Variants in GALNT13 observed in about 807,000 individuals in gnomAD.
GALNT13 encodes polypeptide N-acetylgalactosaminyltransferase 13, also known as UDP-GalNAc:polypeptide N-acetylgalactosaminyltransferase 13.
GALNT13 carries 28 observed loss-of-function variants against 64.2 expected under a neutral mutation model. That is an observed-to-expected ratio of 0.44 (90% CI 0.32 to 0.60). GALNT13 has a LOEUF of 0.60. Among genes scored for constraint, GALNT13 ranks in the 20% least tolerant of loss-of-function variants. GALNT13 has a pLI of 0.05. For missense variants in GALNT13, 577 were observed against 669.8 expected (o/e 0.86, Z 1.53); for synonymous variants, 214 against 224.6 (o/e 0.95, Z 0.42).
chr2:153,602,313 G>T, the GALNT13 span, among the ~76,000 whole-genome samples: 1 of 151,618 alleles, frequency 6.6e-6, no homozygotes, highest in Non-Finnish European at 1.5e-5. Flanking sequence ...CTGCTTTCAC[G>T]GTGTCTGTGA....
the GALNT13 span, among the ~76,000 whole-genome samples, chr2:153,455,505 C>T: frequency 2.6e-5 from 4 of 152,174 alleles, no homozygotes; most frequent in African/African-American, 9.6e-5. Context: ...GAACTCCACT[C>T]ACTCGGACCC....
intron 2 of GALNT13, among the ~76,000 whole-genome samples, chr2:153,937,581 A>G (rs138866607): frequency 1.1e-3 from 161 of 152,326 alleles, no homozygotes; most frequent in African/African-American, 3.7e-3. Context: ...ATGTGTGACT[A>G]TATTGCATTG....
At chr2:153,247,700 G>A in the GALNT13 span, among the ~76,000 whole-genome samples, 6 of 42,720 alleles carry the variant, frequency 1.4e-4, no homozygotes, top group Non-Finnish European at 3.6e-4. Context: ...CAGAATACAA[G>A]AAGTAACTAA....
the GALNT13 span, among the ~76,000 whole-genome samples, chr2:153,153,219 T>C: frequency 2.0e-5 from 3 of 152,082 alleles, no homozygotes; most frequent in East Asian, 1.9e-4. Flanking sequence ...AAAGTGTTCA[T>C]GTCCTTTGCC....
At chr2:153,299,840 A>G in the GALNT13 span, among the ~76,000 whole-genome samples, 2 of 152,160 alleles carry the variant, frequency 1.3e-5, no homozygotes, top group African/African-American at 4.8e-5. Context: ...TCATTTTTCC[A>G]TATTTGTAGC....
At chr2:154,262,431 C>T (rs1690750364) in intron 8 of GALNT13, among the ~76,000 whole-genome samples, 1 of 152,194 alleles carries the variant, frequency 6.6e-6, no homozygotes, top group Non-Finnish European at 1.5e-5. Flanking sequence ...AGGCTATAGC[C>T]TCTAATGGAA....
chr2:154,411,409 C>T (rs1699789685), intron 11 of GALNT13, among the ~76,000 whole-genome samples: 1 of 150,686 alleles, frequency 6.6e-6, no homozygotes, highest in Non-Finnish European at 1.5e-5. Context: ...GGAAACAATT[C>T]AGTATTTACC....
chr2:153,400,500 G>C, the GALNT13 span, among the ~76,000 whole-genome samples: 3 of 152,140 alleles, frequency 2.0e-5, no homozygotes, highest in South Asian at 6.2e-4. Flanking sequence ...AGAAGGAATG[G>C]TACTAGTTCC....
the GALNT13 span, among the ~76,000 whole-genome samples, chr2:153,578,479 CTGTGTT>C: frequency 2.0e-5 from 3 of 152,106 alleles, no homozygotes; most frequent in Non-Finnish European, 4.4e-5. Context: ...TCACACTTTT[CTGTGTT>C]GAAAATTCAC....
At chr2:153,542,418 G>T in the GALNT13 span, among the ~76,000 whole-genome samples, 2 of 151,992 alleles carry the variant, frequency 1.3e-5, no homozygotes, top group Admixed American at 6.6e-5. Flanking sequence ...TAGGAGAAAA[G>T]AGATTTAAGT....
the GALNT13 span, among the ~76,000 whole-genome samples, chr2:153,436,791 G>A: frequency 4.6e-5 from 7 of 152,214 alleles, no homozygotes; most frequent in East Asian, 1.2e-3. Flanking sequence ...TGGATTCACT[G>A]ATTTTTTGAA....
intron 3 of GALNT13, among the ~76,000 whole-genome samples, chr2:153,968,363 C>T (rs1387521477): frequency 6.6e-6 from 1 of 152,186 alleles, no homozygotes; most frequent in Non-Finnish European, 1.5e-5. Context: ...ACAGAATGGC[C>T]CTGGCTTCAA....
At chr2:153,100,918 A>G in the GALNT13 span, among the ~76,000 whole-genome samples, 1 of 152,080 alleles carries the variant, frequency 6.6e-6, no homozygotes. Context: ...AATCCCGCCT[A>G]CTTGGGAGGC....
At chr2:154,430,262 C>T (rs1369113229) in intron 11 of GALNT13, among the ~76,000 whole-genome samples, 2 of 152,074 alleles carry the variant, frequency 1.3e-5, no homozygotes, top group East Asian at 3.8e-4. Context: ...TTCTAGATAC[C>T]GTAAATAACA....
the GALNT13 span, among the ~76,000 whole-genome samples, chr2:153,171,307 A>G: frequency 6.6e-6 from 1 of 152,244 alleles, no homozygotes; most frequent in Non-Finnish European, 1.5e-5. Flanking sequence ...TGAGTGCATG[A>G]ATTGAGTAAA....
At chr2:153,113,903 G>A in the GALNT13 span, among the ~76,000 whole-genome samples, 1 of 152,154 alleles carries the variant, frequency 6.6e-6, no homozygotes, top group East Asian at 1.9e-4. Flanking sequence ...AATCCTGTGT[G>A]CTTTTCATTA....
chr2:154,175,891 G>A (rs999390026), intron 4 of GALNT13, among the ~76,000 whole-genome samples: 3 of 152,136 alleles, frequency 2.0e-5, no homozygotes, highest in Non-Finnish European at 2.9e-5. Flanking sequence ...ATTGCAGTAC[G>A]TCTATGGTTT....
At chr2:154,190,996 T>A (rs771516751) in intron 4 of GALNT13, among the ~76,000 whole-genome samples, 1 of 152,206 alleles carries the variant, frequency 6.6e-6, no homozygotes, top group Non-Finnish European at 1.5e-5. Flanking sequence ...ATATTTCAAA[T>A]GCTCAATAGC....
the GALNT13 span, among the ~76,000 whole-genome samples, chr2:153,832,232 A>G: frequency 6.6e-6 from 1 of 152,164 alleles, no homozygotes; most frequent in African/African-American, 2.4e-5. Context: ...CTAACAAAGG[A>G]CAAGGAAGAT....
Sources: gnomAD v4.1 joint callset for allele counts (sites outside exome capture counted in the v4.1 genomes callset) on GRCh38, gnomAD v4.1.1 for gene constraint, MANE v1.5 for transcripts, NCBI Gene and HGNC (gene_info 2026-07-23, HGNC 2026-07-21) for gene names.